FTSJ3: variants seen among roughly 807,000 people sequenced by gnomAD.
FTSJ3 encodes pre-rRNA 2'-O-ribose RNA methyltransferase FTSJ3.
Under a neutral mutation model 111.5 loss-of-function variants are expected in FTSJ3, and 46 were observed. The observed-to-expected ratio is 0.41, with a 90% CI of 0.33 to 0.53. FTSJ3 has a LOEUF of 0.53. FTSJ3 is among the 20% of genes least tolerant of loss of function. The probability of loss-of-function intolerance (pLI) is 0.19; values close to 1 mark genes in which losing one functional copy is unlikely to be tolerated. For missense variants in FTSJ3, 1,075 were observed against 1,063.8 expected (o/e 1.01, Z -0.15); for synonymous variants, 408 against 383.0 (o/e 1.07, Z -0.76).
At position 63,824,895 on chromosome 17, in the gene FTSJ3, TAGAG is replaced by T; in HGVS notation, c.742_745del (p.Leu248IlefsTer27). ...GAAGTCAGTGACTGAGGTACGGTGA[TAGAG>T]AGTGAGGTCACCCTCAGCATAGCCT... On this transcript the variant is annotated frameshift_variant, in exon 9 of 21. Transcript: ENST00000427159. LOFTEE classifies it high-confidence loss of function. 6 of 1,593,756 alleles carry T rather than the reference TAGAG, an allele frequency of 3.8e-6. No homozygotes were observed. Among genetic ancestry groups the T allele is most frequent in the Non-Finnish European group, 4.3e-6 (5 of 1,169,304 alleles).
chr17:63,826,794 A>AGATC, intron 2 of FTSJ3, 42 bp downstream of exon 2: 1 of 1,601,902 alleles, frequency 6.2e-7, no homozygotes, highest in Non-Finnish European at 8.6e-7. Context: ...AACCGGGCAG[A>AGATC]GATCGCTCGC....
intron 20 of FTSJ3, 24 bp downstream of exon 20, chr17:63,820,055 A>G (rs991030022): frequency 3.1e-6 from 5 of 1,613,752 alleles, no homozygotes; most frequent in African/African-American, 2.7e-5. Flanking sequence ...AGCCCTGTGT[A>G]CCTTTGTGGT....
At position 63,823,922 on chromosome 17, in the gene FTSJ3, T is replaced by C. The variant is rs1350957771; in HGVS notation, c.1185A>G (p.Arg395=). The change falls in exon 13 of 21, where the codon AGA becomes AGG. Residue 395 remains arginine, a synonymous_variant. Transcript: ENST00000427159. ...RKKKKLLREQ[R]KQRERVELKM... is the part of the protein sequence containing the mutation. ...TCAGCTCCACACGCTCCCGCTGCTT[T>C]CTCTGCTCACGCAACAGCTTCTTTT... The C allele has an allele frequency of 1.2e-6, 2 of 1,614,186 alleles. No homozygotes were observed. The highest frequency in any genetic ancestry group is 1.7e-6 in the Non-Finnish European group (2 of 1,180,036).
At chr17:63,823,718 A>G in intron 13 of FTSJ3, 99 bp downstream of exon 13, 1 of 1,361,722 alleles carries the variant, frequency 7.3e-7, no homozygotes, top group South Asian at 1.3e-5. Flanking sequence ...ACCACAGCCT[A>G]TCGTTCGGCA....
In FTSJ3 at chr17:63,819,693, C is replaced by T; in HGVS notation, c.*109G>A. 9.8e-7 allele frequency: 1 copy of T among 1,023,640 alleles called. No homozygotes were observed. Among genetic ancestry groups the T allele is most frequent in the South Asian group, 1.6e-5 (1 of 64,002 alleles). The allele number at this position is 1,023,640 out of a possible 1,614,324, so 63.4% of individuals were successfully genotyped here. A position where few individuals can be genotyped will look rare whatever the true frequency, so the allele number is the denominator to read the frequency against. ...GCACTCCACCTCACTGTTCTTCAGA[C>T]AGCTGTGATGTGAGCAGGGGCTAGG... On this transcript the variant is annotated 3_prime_UTR_variant, in exon 21 of 21. Transcript: ENST00000427159.
chr17:63,820,114 GTCCAC>G lies in FTSJ3; in HGVS notation c.2311_2315del (p.Val771HisfsTer66), dbSNP rs1270635618. 6.2e-7 allele frequency: 1 copy of G among 1,614,096 alleles called. No individual in the cohort carries two copies. The highest frequency in any genetic ancestry group is 1.7e-5 in the Admixed American group (1 of 60,008). On this transcript the variant is annotated frameshift_variant, in exon 20 of 21. Coordinates refer to ENST00000427159, the MANE Select transcript of FTSJ3 (RefSeq NM_017647.4). LOFTEE classifies it high-confidence loss of function. ...GTGCCACTTTCTCTCGTTCTGAGATGTCCACTGTGTTCACCACGGCTTCTGCCTTC... is the reference window on the plus strand; with the variant it reads ...GTGCCACTTTCTCTCGTTCTGAGATGTGTGTTCACCACGGCTTCTGCCTTC...
Position 63,823,910 on chromosome 17 carries a change from C to T in FTSJ3, c.1197G>A (p.Glu399=), listed in dbSNP as rs548863228. ...KLLREQRKQR[E]RVELKMDLPG... ...GCAGATCCATCTTCAGCTCCACACGCTCCCGCTGCTTTCTCTGCTCACGCA... is the reference window on the plus strand; with the variant it reads ...GCAGATCCATCTTCAGCTCCACACGTTCCCGCTGCTTTCTCTGCTCACGCA... The change falls in exon 13 of 21, where the codon GAG becomes GAA. Residue 399 remains glutamate (E), a synonymous_variant. Transcript: ENST00000427159. 3.1e-6 allele frequency: 5 copies of T among 1,614,102 alleles called. No homozygotes were observed. The highest frequency in any genetic ancestry group is 1.6e-4 in the Middle Eastern group (1 of 6,084).
At position 63,820,193 on chromosome 17, in the gene FTSJ3, G is replaced by T. The variant is rs200516732; in HGVS notation, c.2257-20C>A. On this transcript the variant is annotated intron_variant, in intron 19 of 20. Transcript: ENST00000427159. Reference sequence around the variant, plus strand: ...CAGCATCTGCAAAGGAACCTGTCAGGTGACCTCTTCCCCATCCCCCCACCC... The same window carrying T: ...CAGCATCTGCAAAGGAACCTGTCAGTTGACCTCTTCCCCATCCCCCCACCC... 3.3e-5 allele frequency: 54 copies of T among 1,613,624 alleles called. No individual in the cohort carries two copies. The highest frequency in any genetic ancestry group is 4.3e-5 in the Non-Finnish European group (51 of 1,179,710).
At chr17:63,821,244 A>T in intron 16 of FTSJ3, 110 bp downstream of exon 16, 12 of 1,502,194 alleles carry the variant, frequency 8.0e-6, no homozygotes, top group Non-Finnish European at 1.0e-5. Flanking sequence ...TCGTCAGTAC[A>T]GTATTTTTAA....
In FTSJ3 at chr17:63,824,967, C is replaced by T. The variant is rs193061939; in HGVS notation, c.712-38G>A. ...AAGAGAGAAGCTTGGTCAGGCCCTT[C>T]TAAGGTACCTGTAGGACCCACCAGG... On this transcript the variant is annotated intron_variant, in intron 8 of 20. Coordinates refer to ENST00000427159, the MANE Select transcript of FTSJ3 (RefSeq NM_017647.4). The T allele has an allele frequency of 8.8e-5, 139 of 1,577,248 alleles. 1 individual carries two copies. The African/African-American group carries it at 1.7e-3, about 19-fold the overall frequency.
rs747534313 is a variant in FTSJ3 at position 63,824,337 on chromosome 17, T to G, written c.992A>C (p.Asp331Ala). ...KKLKEQAKAL[D>A]ISLSSGEEDE... ...CGCTGCGTTCTCTCCTCACCTGATG[T>G]CCAGTGCCTTTGCTTGTTCTTTCAG... Residue 331 changes from aspartate (D) to alanine (A), a missense_variant, in exon 11 of 21, where the codon GAC becomes GCC. Asp to Ala is a moderately radical substitution (Grantham distance 126). Transcript: ENST00000427159. The G allele has an allele frequency of 3.1e-6, 5 of 1,614,202 alleles. No homozygotes were observed. Among genetic ancestry groups the G allele is most frequent in the Non-Finnish European group, 4.2e-6 (5 of 1,180,024 alleles).
intron 4 of FTSJ3, 21 bp from the exon 5 acceptor site, chr17:63,826,156 G>A (rs1349400715): frequency 9.9e-6 from 16 of 1,613,078 alleles, no homozygotes; most frequent in Non-Finnish European, 1.4e-5. Flanking sequence ...TCAGGTCAGA[G>A]TATTCTAAAA....
chr17:63,823,614 C>G, intron 13 of FTSJ3: 1 of 561,772 alleles, frequency 1.8e-6, no homozygotes, highest in South Asian at 2.5e-5. Context: ...AAAAATAAAT[C>G]TATCACACTC....
In FTSJ3 at chr17:63,824,149, C is replaced by T. The variant is rs1447208203; in HGVS notation, c.1089G>A (p.Glu363=). The change falls in exon 12 of 21, where the codon GAG becomes GAA. Residue 363 remains glutamate, a synonymous_variant. Transcript: ENST00000427159. ...KQPSKEEEEE[E]EEEQLNQTLA... The stretch of plus-strand genomic sequence containing the variant: ...AGGTCTGGTTCAGTTGTTCCTCCTC[C>T]TCCTCTTCCTCCTCCTCCTTAGAGG... The T allele has an allele frequency of 6.2e-7, 1 of 1,613,952 alleles. No homozygotes were observed. The highest frequency in any genetic ancestry group is 8.5e-7 in the Non-Finnish European group (1 of 1,179,972).
Position 63,823,827 on chromosome 17 carries a change from C to A in FTSJ3, c.1280G>T (p.Arg427Leu). 6.2e-7 allele frequency: 1 copy of A among 1,614,014 alleles called. No individual in the cohort carries two copies. Among genetic ancestry groups the A allele is most frequent in the Non-Finnish European group, 8.5e-7 (1 of 1,179,982 alleles). The stretch of plus-strand genomic sequence containing the variant: ...CCAATGCCGCCTCACCTGGTGACCC[C>A]GGATGGTGCTCAAGGAGAACATGCC... ...ETGMFSLSTI[R>L]GHQLLEEVTQ... Residue 427 changes from arginine to leucine, a missense_variant, in exon 13 of 21, where the codon CGG becomes CTG. Around this residue, in one of 2 missense-constraint regions of FTSJ3, gnomAD observed 867 missense variants for 796.9 expected, o/e 1.09. Coordinates refer to ENST00000427159, the MANE Select transcript of FTSJ3 (RefSeq NM_017647.4).
Position 63,820,859 on chromosome 17 carries a change from G to A in FTSJ3, c.2052C>T (p.Leu684=). 6.2e-7 allele frequency: 1 copy of A among 1,613,634 alleles called. No homozygotes were observed. Among genetic ancestry groups the A allele is most frequent in the East Asian group, 2.2e-5 (1 of 44,872 alleles). Residue 684 remains leucine (L), a synonymous_variant, in exon 18 of 21, where the codon CTC becomes CTT. Transcript: ENST00000427159. The stretch of plus-strand genomic sequence containing the variant: ...TTTACCGGTTGAAGGAGTTATCTAT[G>A]AGGTCTCTCTTGGCCTTTTTGGAAG... ...IASSKKAKRD[L]IDNSFNRYTF...
In FTSJ3 at chr17:63,827,171, C is replaced by A. The variant is rs2040116825; in HGVS notation, c.-146G>T. 1.6e-6 allele frequency: 1 copy of A among 606,908 alleles called. No individual in the cohort carries two copies. The highest frequency in any genetic ancestry group is 1.9e-5 in the African/African-American group (1 of 54,052). The allele number at this position is 606,908 out of a possible 1,614,324, so 37.6% of individuals were successfully genotyped here. A position where few individuals can be genotyped will look rare whatever the true frequency, so the allele number is the denominator to read the frequency against. ...AGGTTTTCCGCCATTTTGAGTGTGG[C>A]CCTAGATTGTTCTCAATACTCTGTC... On this transcript the variant is annotated 5_prime_UTR_variant, in exon 1 of 21. Transcript: ENST00000427159.
chr17:63,825,129 G>A lies in FTSJ3; in HGVS notation c.630C>T (p.Phe210=). The A allele has an allele frequency of 1.2e-6, 2 of 1,614,146 alleles. No individual in the cohort carries two copies. The highest frequency in any genetic ancestry group is 2.2e-5 in the South Asian group (2 of 91,078). ...FLAPDKVDSK[F]FDPKFAFKEV... ...CCTTAAAGGCAAATTTGGGGTCAAA[G>A]AATTTACTGTCAACCTTGTCAGGGG... Residue 210 remains phenylalanine, a synonymous_variant, in exon 8 of 21, where the codon TTC becomes TTT. Transcript: ENST00000427159.
chr17:63,826,433 C>A, intron 3 of FTSJ3, 129 bp from the exon 4 acceptor site: 1 of 1,181,980 alleles, frequency 8.5e-7, no homozygotes, highest in South Asian at 1.2e-5. Flanking sequence ...AGCCCTTTCT[C>A]TGCAATCAAG....
Sources: gnomAD v4.1 joint callset for allele counts on GRCh38, gnomAD v4.1.1 for gene constraint, gnomAD v4.1.1 regional missense constraint, MANE v1.5 for transcripts, NCBI Gene and HGNC (gene_info 2026-07-23, HGNC 2026-07-21) for gene names.